The following CDH13 variants were observed in gnomAD, a reference collection of about 807,000 sequenced individuals.
The protein encoded by CDH13 is cadherin 13.
Under a neutral mutation model 63.8 loss-of-function variants are expected in CDH13, and 24 were observed. The ratio of observed to expected loss-of-function variants is 0.38; its 90% CI spans 0.27 to 0.53. CDH13 has a LOEUF of 0.53. Ranked by LOEUF, CDH13 falls within the 20% of genes least tolerant of loss-of-function variation. CDH13 has a pLI of 0.85. For missense variants in CDH13, 1,049 were observed against 903.1 expected, an observed-to-expected ratio of 1.16 and a Z score of -2.07; for synonymous variants, 503 against 355.3, an observed-to-expected ratio of 1.42 and a Z score of -4.67.
chr16:83,074,440 T>C (rs2032674673), intron 3 of CDH13, among the ~76,000 whole-genome samples: 1 of 152,224 alleles, frequency 6.6e-6, no homozygotes, highest in South Asian at 2.1e-4. Flanking sequence ...CTATCGTAGA[T>C]AGTGCTACAA....
chr16:83,572,860 G>C (rs1216514759), intron 7 of CDH13, among the ~76,000 whole-genome samples: 1 of 152,094 alleles, frequency 6.6e-6, no homozygotes, highest in Non-Finnish European at 1.5e-5. Context: ...TTTAAATGTG[G>C]GAAAGTTACG....
intron 7 of CDH13, among the ~76,000 whole-genome samples, chr16:83,531,776 G>A (rs1158951101): frequency 2.6e-5 from 4 of 152,160 alleles, no homozygotes; most frequent in Admixed American, 2.6e-4. Context: ...GTGTGGCCCT[G>A]CGGCCACCTT....
intron 10 of CDH13, among the ~76,000 whole-genome samples, chr16:83,700,401 G>A (rs1171211399): frequency 6.6e-6 from 1 of 152,216 alleles, no homozygotes; most frequent in Admixed American, 6.5e-5. Context: ...ACCCATGGTT[G>A]TTAAATAGCC....
chr16:82,899,251 G>A (rs1206632014), intron 2 of CDH13, among the ~76,000 whole-genome samples: 1 of 152,224 alleles, frequency 6.6e-6, no homozygotes, highest in African/African-American at 2.4e-5. Context: ...AGTAAGGGCA[G>A]TGTCAAATGA....
chr16:83,033,270 A>G (rs1365326036), intron 3 of CDH13, among the ~76,000 whole-genome samples: 2 of 152,078 alleles, frequency 1.3e-5, no homozygotes, highest in African/African-American at 4.8e-5. Context: ...ATGTGTGTAT[A>G]TGTATATATG....
chr16:82,655,837 C>G (rs112793170), intron 1 of CDH13, among the ~76,000 whole-genome samples: 1 of 152,096 alleles, frequency 6.6e-6, no homozygotes. Context: ...TAGGCAAGGT[C>G]GCCCAGATAG....
At chr16:83,032,275 CT>C in intron 3 of CDH13, 57 bp downstream of exon 3, 1 of 1,357,200 alleles carries the variant, frequency 7.4e-7, no homozygotes, top group Non-Finnish European at 1.0e-6. Flanking sequence ...TTCTGTCTGT[CT>C]TATGTGGAAA....
intron 4 of CDH13, among the ~76,000 whole-genome samples, chr16:83,165,604 ATGAGACC>A (rs1385579500): frequency 6.6e-6 from 1 of 152,064 alleles, no homozygotes; most frequent in Non-Finnish European, 1.5e-5. Flanking sequence ...GGTAGGGATG[ATGAGACC>A]TGGAATTGAT....
chr16:83,620,961 C>T (rs566165438), intron 8 of CDH13, among the ~76,000 whole-genome samples: 1 of 152,244 alleles, frequency 6.6e-6, no homozygotes, highest in African/African-American at 2.4e-5. Flanking sequence ...AGTAAACATC[C>T]CCCAGCCAGT....
At chr16:82,861,610 T>TA (rs2039948442) in intron 2 of CDH13, among the ~76,000 whole-genome samples, 1 of 152,248 alleles carries the variant, frequency 6.6e-6, no homozygotes, top group African/African-American at 2.4e-5. Flanking sequence ...CTTTTTCTAC[T>TA]TTAACTGTTA....
chr16:83,795,093 ATCC>A lies in CDH13; in HGVS notation c.*64_*66del. The A allele has an allele frequency of 6.9e-7, 1 of 1,448,146 alleles. No homozygotes were observed. Among genetic ancestry groups the A allele is most frequent in the Non-Finnish European group, 9.4e-7 (1 of 1,062,040 alleles). 89.7% of individuals were successfully genotyped at this position (1,448,146 alleles called of 1,614,324 possible). On this transcript the variant is annotated 3_prime_UTR_variant, in exon 14 of 14. Coordinates refer to ENST00000567109, the MANE Select transcript of CDH13 (RefSeq NM_001257.5). ...ATAGCAACAGGAAAAAAAAAAATCTATCCAAATCTGAAGATTGCGGTTTACAGC... is the reference window on the plus strand; with the variant it reads ...ATAGCAACAGGAAAAAAAAAAATCTAAAATCTGAAGATTGCGGTTTACAGC...
chr16:83,351,486 G>A (rs1366544332), intron 6 of CDH13, among the ~76,000 whole-genome samples: 5 of 152,016 alleles, frequency 3.3e-5, no homozygotes, highest in Non-Finnish European at 7.4e-5. Flanking sequence ...TTACAGAATG[G>A]GAGCTCTATG....
chr16:82,730,162 T>C (rs1373234483), intron 1 of CDH13, among the ~76,000 whole-genome samples: 2 of 152,234 alleles, frequency 1.3e-5, no homozygotes, highest in African/African-American at 4.8e-5. Context: ...AATGGCACTT[T>C]TTATTTCATT....
intron 2 of CDH13, among the ~76,000 whole-genome samples, chr16:83,025,558 G>A (rs1301602037): frequency 1.3e-5 from 2 of 152,044 alleles, no homozygotes; most frequent in East Asian, 1.9e-4. Flanking sequence ...ACCTCCCATC[G>A]GCTTCCTCCC....
At chr16:82,917,130 G>T (rs1209390382) in intron 2 of CDH13, among the ~76,000 whole-genome samples, 1 of 152,272 alleles carries the variant, frequency 6.6e-6, no homozygotes, top group East Asian at 1.9e-4. Context: ...GAACATTGCT[G>T]CATTCAACAG....
At chr16:83,549,326 C>T (rs1193992468) in intron 7 of CDH13, among the ~76,000 whole-genome samples, 2 of 152,172 alleles carry the variant, frequency 1.3e-5, no homozygotes, top group African/African-American at 4.8e-5. Context: ...TGCAAAGCAC[C>T]TATTTGGAAG....
At chr16:83,181,825 G>A (rs774005659) in intron 4 of CDH13, among the ~76,000 whole-genome samples, 9 of 152,040 alleles carry the variant, frequency 5.9e-5, no homozygotes, top group Non-Finnish European at 1.3e-4. Flanking sequence ...TTCTGGAGAG[G>A]GAAGGACCAC....
Position 83,030,973 on chromosome 16 carries a change from C to T in CDH13, c.158-1037C>T, listed in dbSNP as rs941870212. Reference sequence around the variant, plus strand: ...TGAGCATGAAAGAAATATAGTTCCTCAAAGTAAATTAAGGAGCTGTTTTCA... The same window carrying T: ...TGAGCATGAAAGAAATATAGTTCCTTAAAGTAAATTAAGGAGCTGTTTTCA... On this transcript the variant is annotated intron_variant, in intron 2 of 13. Coordinates refer to ENST00000567109, the MANE Select transcript of CDH13 (RefSeq NM_001257.5). Among the ~76,000 whole-genome samples, 4 of 151,540 alleles carry T rather than the reference C, an allele frequency of 2.6e-5. No homozygotes were observed. The East Asian group carries it at 7.9e-4, about 30-fold the overall frequency.
intron 7 of CDH13, among the ~76,000 whole-genome samples, chr16:83,577,630 G>T (rs1905180365): frequency 6.6e-6 from 1 of 152,204 alleles, no homozygotes; most frequent in South Asian, 2.1e-4. Context: ...AGACTCATGG[G>T]TTTGTACTGC....
Sources: gnomAD v4.1 joint callset for allele counts (sites outside exome capture counted in the v4.1 genomes callset) on GRCh38, gnomAD v4.1.1 for gene constraint, MANE v1.5 for transcripts, NCBI Gene and HGNC (gene_info 2026-07-23, HGNC 2026-07-21) for gene names.